The following PDE10A variants were observed in gnomAD, a reference collection of about 807,000 sequenced individuals.
The protein encoded by PDE10A is cAMP and cAMP-inhibited cGMP 3',5'-cyclic phosphodiesterase 10A.
In PDE10A, 39 loss-of-function variants were observed where a neutral mutation model predicts 97.7. The ratio of observed to expected loss-of-function variants is 0.40; its 90% confidence interval spans 0.31 to 0.52. The LOEUF (loss-of-function observed/expected upper bound fraction) is 0.52. Among genes scored for constraint, PDE10A ranks in the 20% least tolerant of loss-of-function variants. The probability of loss-of-function intolerance (pLI) is 0.56; values close to 1 mark genes in which losing one functional copy is unlikely to be tolerated. For synonymous variants in PDE10A, 371 were observed against 376.8 expected, an observed-to-expected ratio of 0.98 and a Z score of 0.18; for missense variants, 731 against 1,047.8, an observed-to-expected ratio of 0.70 and a Z score of 4.17.
chr6:165,524,291 A>G (rs1217536620), intron 2 of PDE10A, among the ~76,000 whole-genome samples: 1 of 152,192 alleles, frequency 6.6e-6, no homozygotes, highest in Non-Finnish European at 1.5e-5. Flanking sequence ...GGAACAGAAT[A>G]TTAAAAATGA....
chr6:165,392,885 G>T, intron 15 of PDE10A, 89 bp from the exon 16 acceptor site: 1 of 1,154,168 alleles, frequency 8.7e-7, no homozygotes, highest in Non-Finnish European at 1.3e-6. Flanking sequence ...ATATATGTCT[G>T]TACCCTTATA....
chr6:165,373,564 CAA>C (rs1009260982), intron 18 of PDE10A, among the ~76,000 whole-genome samples: 2 of 151,976 alleles, frequency 1.3e-5, no homozygotes, highest in African/African-American at 4.8e-5. Context: ...TGGCAATCAT[CAA>C]AAAGTCAGGA....
chr6:165,888,736 C>T (rs1364437567), intron 1 of PDE10A, among the ~76,000 whole-genome samples: 2 of 152,180 alleles, frequency 1.3e-5, no homozygotes, highest in Non-Finnish European at 2.9e-5. Context: ...CTAAGAAATG[C>T]AGAACATTGA....
At position 165,661,666 on chromosome 6, in the gene PDE10A, C is replaced by G. The variant is rs896062966; in HGVS notation, c.865+281G>C. 34 of 411,310 alleles carry G rather than the reference C, an allele frequency of 8.3e-5. No individual in the cohort carries two copies. The highest frequency in any genetic ancestry group is 8.5e-5 in the African/African-American group (4 of 47,306). 25.5% of individuals were successfully genotyped at this position (411,310 alleles called of 1,614,324 possible). A position where few individuals can be genotyped will look rare whatever the true frequency, so the allele number is the denominator to read the frequency against. The stretch of plus-strand genomic sequence containing the variant: ...GGGGCGGAGAAGGAGGCGGCAGGTC[C>G]CGCTCGCAACGTCCAAGCTCCCGCC... On this transcript the variant is annotated intron_variant, in intron 1 of 21. Transcript: ENST00000539869. The surrounding 1 kb of genome is among the most constrained non-coding windows in gnomAD (Gnocchi z 4.8).
chr6:165,405,035 A>G (rs1273468994), intron 13 of PDE10A, among the ~76,000 whole-genome samples: 1 of 152,044 alleles, frequency 6.6e-6, no homozygotes, highest in Admixed American at 6.6e-5. Context: ...AAAGGTGACA[A>G]TAGTTTCCTC....
intron 18 of PDE10A, among the ~76,000 whole-genome samples, chr6:165,361,589 T>G (rs1783428182): frequency 6.6e-6 from 1 of 152,034 alleles, no homozygotes; most frequent in Non-Finnish European, 1.5e-5. Context: ...CTTAATACAA[T>G]ATGACTGGTG....
intron 1 of PDE10A, among the ~76,000 whole-genome samples, chr6:165,901,458 G>T (rs1207599311): frequency 6.6e-6 from 1 of 152,148 alleles, no homozygotes; most frequent in Non-Finnish European, 1.5e-5. Context: ...TCTCACGTGG[G>T]CTGCCTCCAC....
In PDE10A at chr6:165,528,521, T is replaced by C. The variant is rs539970554; in HGVS notation, c.994+14919A>G. Among the ~76,000 whole-genome samples, 22 of 152,312 alleles carry C rather than the reference T, an allele frequency of 1.4e-4. No individual in the cohort carries two copies. The South Asian group carries it at 4.1e-3, about 29-fold the overall frequency. The stretch of plus-strand genomic sequence containing the variant: ...AGCTACCTGGTGGCAGTTGATTATA[T>C]TGGGCCTCTTCCATCATGGAAAGGG... On this transcript the variant is annotated intron_variant, in intron 2 of 21. Coordinates refer to ENST00000539869, the MANE Select transcript of PDE10A (RefSeq NM_001385079.1).
chr6:165,627,088 G>A (rs1296035686), intron 1 of PDE10A, among the ~76,000 whole-genome samples: 1 of 152,140 alleles, frequency 6.6e-6, no homozygotes, highest in Non-Finnish European at 1.5e-5. Flanking sequence ...ACTTCCCATT[G>A]GTTCGAAAAC....
At chr6:165,620,552 G>A (rs150789062) in intron 1 of PDE10A, among the ~76,000 whole-genome samples, 1 of 151,720 alleles carries the variant, frequency 6.6e-6, no homozygotes, top group East Asian at 1.9e-4. Context: ...GAAGGCTAAG[G>A]GAAGAGAGAA....
chr6:165,390,174 AC>A (rs1785593671), intron 16 of PDE10A, among the ~76,000 whole-genome samples: 1 of 152,150 alleles, frequency 6.6e-6, no homozygotes, highest in African/African-American at 2.4e-5. Context: ...AAACAAACAA[AC>A]AAAAAACCCC....
chr6:165,398,619 A>C (rs1583195714), intron 13 of PDE10A, among the ~76,000 whole-genome samples: 1 of 152,262 alleles, frequency 6.6e-6, no homozygotes, highest in African/African-American at 2.4e-5. Flanking sequence ...TATGTCAATC[A>C]GTTGACCCTG....
At position 165,972,495 on chromosome 6, in the gene PDE10A, C is replaced by T. The variant is rs575109700; in HGVS notation, c.-615+15034G>A. On this transcript the variant is annotated intron_variant, in intron 1 of 19. Coordinates refer to the PDE10A transcript ENST00000366882. ...TGAAACACCTACTCTACTTATTCCCCGAAGAATAACTGAGACAAAGAGTTG... is the reference window on the plus strand; with the variant it reads ...TGAAACACCTACTCTACTTATTCCCTGAAGAATAACTGAGACAAAGAGTTG... Among the ~76,000 whole-genome samples, 8 of 152,236 alleles carry T rather than the reference C, an allele frequency of 5.3e-5. No individual in the cohort carries two copies. In the South Asian group the frequency reaches 1.2e-3, roughly 24 times the overall value.
chr6:165,598,246 C>T (rs995798050), intron 1 of PDE10A, among the ~76,000 whole-genome samples: 2 of 152,014 alleles, frequency 1.3e-5, no homozygotes, highest in Non-Finnish European at 2.9e-5. Context: ...GTATACTTCA[C>T]TAATAGTATT....
chr6:165,736,508 C>G (rs186909582), intron 1 of PDE10A, among the ~76,000 whole-genome samples: 30 of 152,304 alleles, frequency 2.0e-4, no homozygotes, highest in Admixed American at 1.8e-3. Context: ...GCTCATGCCA[C>G]TGAACCCTCG....
intron 1 of PDE10A, among the ~76,000 whole-genome samples, chr6:165,638,362 G>C (rs920171998): frequency 3.3e-5 from 5 of 152,138 alleles, no homozygotes; most frequent in Admixed American, 2.0e-4. Context: ...TTAACAAAGA[G>C]GAAGGACGAG....
At chr6:165,752,518 TTA>T (rs1240888472) in intron 1 of PDE10A, among the ~76,000 whole-genome samples, 1 of 152,244 alleles carries the variant, frequency 6.6e-6, no homozygotes, top group Non-Finnish European at 1.5e-5. Context: ...GGATAATTTG[TTA>T]TATGTCATAA....
intron 1 of PDE10A, among the ~76,000 whole-genome samples, chr6:165,574,879 G>T (rs57042153): frequency 0.17 from 26,344 of 152,030 alleles, 2,364 homozygotes; most frequent in Admixed American, 0.22. Context: ...TGATTCATTT[G>T]CTCCCTGCTA....
At chr6:165,403,156 C>G (rs1786804992) in intron 13 of PDE10A, among the ~76,000 whole-genome samples, 1 of 152,192 alleles carries the variant, frequency 6.6e-6, no homozygotes, top group Admixed American at 6.5e-5. Context: ...AGGAAAAGCA[C>G]TGGCCAGTGA....
Sources: allele counts gnomAD v4.1 joint callset (sites outside exome capture counted in the v4.1 genomes callset), GRCh38; gene constraint gnomAD v4.1.1; non-coding constraint Gnocchi (gnomAD v3.1); transcripts MANE v1.5; gene names NCBI Gene and HGNC (gene_info 2026-07-23, HGNC 2026-07-21).